The following SHANK2 variants were observed in gnomAD, a reference collection of about 807,000 sequenced individuals.
SHANK2 encodes the protein SH3 and multiple ankyrin repeat domains 2.
Under a neutral mutation model 133.7 loss-of-function variants are expected in SHANK2, and 43 were observed. That is an observed-to-expected ratio of 0.32 (90% CI 0.25 to 0.41). SHANK2 has a LOEUF of 0.41. Ranked by LOEUF, SHANK2 falls within the 10% of genes least tolerant of loss-of-function variation. The pLI, the probability that SHANK2 is intolerant of heterozygous loss-of-function variation, is 1.00. For synonymous variants in SHANK2, 1,017 were observed against 952.8 expected (o/e 1.07, Z -1.24); for missense variants, 1,994 against 2,235.8 (o/e 0.89, Z 2.18).
chr11:70,634,686 C>G (rs1183269098), intron 17 of SHANK2: 3 of 150,660 alleles, frequency 2.0e-5, no homozygotes, highest in Non-Finnish European at 4.4e-5. Flanking sequence ...CATGGCAAAA[C>G]CCCATCTCCA....
At position 70,882,964 on chromosome 11, in the gene SHANK2, G is replaced by A. The variant is rs147827464; in HGVS notation, c.1174+13537C>T. Among the ~76,000 whole-genome samples the A allele has an allele frequency of 1.1e-3, 160 of 152,262 alleles. 1 individual carries two copies. Among genetic ancestry groups the A allele is most frequent in the Admixed American group, 6.3e-3 (97 of 15,296 alleles). ...GGCTTGCCTGCGGCCTGTGGGAGGG[G>A]AGGGCAGGAGCCAGGGTCCCAGAGG... is the stretch of plus-strand genomic sequence containing the variant. On this transcript the variant is annotated intron_variant, in intron 11 of 25. Transcript: ENST00000601538. The surrounding 1 kb of genome is among the most constrained non-coding windows in gnomAD (Gnocchi z 4.2).
chr11:70,766,022 T>C (rs1269078154), intron 14 of SHANK2, among the ~76,000 whole-genome samples: 11 of 152,302 alleles, frequency 7.2e-5, no homozygotes, highest in Admixed American at 7.2e-4. Context: ...CCATAGCAGG[T>C]TATCTGGAAT....
At chr11:70,896,839 C>T (rs1472994732) in intron 10 of SHANK2, among the ~76,000 whole-genome samples, 9 of 152,142 alleles carry the variant, frequency 5.9e-5, no homozygotes, top group African/African-American at 2.2e-4. Flanking sequence ...GGGCAAATTA[C>T]CCATAGAGCA....
intron 10 of SHANK2, among the ~76,000 whole-genome samples, chr11:70,931,735 G>A (rs1950507305): frequency 6.6e-6 from 1 of 152,232 alleles, no homozygotes; most frequent in Non-Finnish European, 1.5e-5. Context: ...CAACAGCAAG[G>A]TGCTGGCGCC....
At chr11:70,689,181 G>A (rs1282318308) in intron 15 of SHANK2, among the ~76,000 whole-genome samples, 3 of 152,202 alleles carry the variant, frequency 2.0e-5, no homozygotes, top group Non-Finnish European at 4.4e-5. Flanking sequence ...GAAAGGAAAA[G>A]CTCTTGGACA....
In SHANK2 at chr11:71,118,813, G is replaced by A. The variant is rs1423512889; in HGVS notation, c.411+16C>T. On this transcript the variant is annotated intron_variant, in intron 4 of 25. Transcript: ENST00000601538. ...GTGACACAACCACAGTCCATGCACT[G>A]TGGGCTGAAATATACCTCCAGGGAA... 2.0e-6 allele frequency: 3 copies of A among 1,534,462 alleles called. No homozygotes were observed. Among genetic ancestry groups the A allele is most frequent in the East Asian group, 2.5e-5 (1 of 40,782 alleles).
In SHANK2 at chr11:70,739,350, A is replaced by T. The variant is rs1445398250; in HGVS notation, c.1778-40587T>A. ...TCTCCACCTCCCCACAGAAGGGAGG[A>T]GGCCAGGAGGTGGACAATGAAGACA... is the stretch of plus-strand genomic sequence containing the variant. On this transcript the variant is annotated intron_variant, in intron 14 of 25. Transcript: ENST00000601538. This position sits in a 1 kb window ranked among gnomAD's most constrained non-coding sequence, Gnocchi z 4.3. Among the ~76,000 whole-genome samples, 1 of 152,132 alleles carries T rather than the reference A, an allele frequency of 6.6e-6. No individual in the cohort carries two copies. The highest frequency in any genetic ancestry group is 2.4e-5 in the African/African-American group (1 of 41,432).
chr11:70,616,206 G>A (rs945835809), intron 17 of SHANK2, among the ~76,000 whole-genome samples: 2 of 152,184 alleles, frequency 1.3e-5, no homozygotes, highest in East Asian at 1.9e-4. Context: ...GCAACTGAAC[G>A]GACCCCACGG....
intron 14 of SHANK2, among the ~76,000 whole-genome samples, chr11:70,719,970 C>T (rs1555028561): frequency 1.3e-5 from 2 of 152,134 alleles, no homozygotes; most frequent in African/African-American, 4.8e-5. Flanking sequence ...AGCTTCAAAG[C>T]AAAAGGGTTG....
chr11:70,779,866 GCCA>G (rs1375985889), intron 14 of SHANK2, among the ~76,000 whole-genome samples: 9 of 152,168 alleles, frequency 5.9e-5, no homozygotes, highest in Non-Finnish European at 1.2e-4. Flanking sequence ...CCCAGACCCG[GCCA>G]GTCACCCTTG....
At chr11:70,916,000 T>C (rs1950263974) in intron 10 of SHANK2, among the ~76,000 whole-genome samples, 1 of 152,226 alleles carries the variant, frequency 6.6e-6, no homozygotes, top group Non-Finnish European at 1.5e-5. Flanking sequence ...CTTGTTGTGC[T>C]CTTCCCCGAT....
In SHANK2 at chr11:70,612,366, G is replaced by A. The variant is rs144136309; in HGVS notation, c.2061+47462C>T. Among the ~76,000 whole-genome samples, 237 of 152,286 alleles carry A rather than the reference G, an allele frequency of 1.6e-3. 1 individual carries two copies. The highest frequency in any genetic ancestry group is 6.8e-3 in the Middle Eastern group (2 of 294). On this transcript the variant is annotated intron_variant, in intron 17 of 25. Transcript: ENST00000601538. ...ACAAGCACCTGCCATTTACCTGATA[G>A]CAGCTGCATCTCTCGCCAGGTACAG...
chr11:71,245,856 C>G (rs3020030), intron 1 of SHANK2, among the ~76,000 whole-genome samples: 10 of 152,194 alleles, frequency 6.6e-5, no homozygotes, highest in African/African-American at 2.4e-4. Flanking sequence ...CCTGGGGGAC[C>G]TGTCCACCTC....
chr11:70,923,484 C>T (rs923194326), intron 10 of SHANK2, among the ~76,000 whole-genome samples: 4 of 152,110 alleles, frequency 2.6e-5, no homozygotes, highest in Admixed American at 6.5e-5. Context: ...TCAAGTGATC[C>T]GCCCGTCTCC....
intron 14 of SHANK2, among the ~76,000 whole-genome samples, chr11:70,792,432 C>A (rs1236079321): frequency 2.0e-5 from 3 of 152,168 alleles, no homozygotes; most frequent in African/African-American, 7.2e-5. Context: ...ACCAACCAAC[C>A]AACCAACCAA....
At chr11:70,805,717 T>C (rs1476394027) in intron 13 of SHANK2, among the ~76,000 whole-genome samples, 2 of 152,134 alleles carry the variant, frequency 1.3e-5, no homozygotes, top group Non-Finnish European at 2.9e-5. Flanking sequence ...TAATAGGAGA[T>C]CTTGGCAAAT....
At chr11:70,624,878 C>A in intron 17 of SHANK2, among the ~76,000 whole-genome samples, 1 of 152,186 alleles carries the variant, frequency 6.6e-6, no homozygotes, top group East Asian at 1.9e-4. Context: ...TGGTCTCTAT[C>A]GGCTCCCTCA....
rs148275643 is a variant in SHANK2, at chr11:70,759,406, C to T, written c.1777+39037G>A. ...AGGCTGAGGCAGAGTTGCTAGAACC[C>T]GGGAGGCGGAGGTTGCAGTGAGCCC... On this transcript the variant is annotated intron_variant, in intron 14 of 25. Transcript: ENST00000601538. Among the ~76,000 whole-genome samples the T allele has an allele frequency of 7.2e-3, 1,099 of 151,956 alleles. 20 individuals are homozygous for T. The highest frequency in any genetic ancestry group is 0.025 in the African/African-American group (1,033 of 41,450).
intron 15 of SHANK2, chr11:70,668,593 CG>C (rs1944726919): frequency 1.3e-5 from 2 of 152,326 alleles, no homozygotes; most frequent in South Asian, 4.1e-4. Flanking sequence ...GAGCAAAGGC[CG>C]GGCAAGTGAG....
Sources: allele counts gnomAD v4.1 joint callset (sites outside exome capture counted in the v4.1 genomes callset), GRCh38; gene constraint gnomAD v4.1.1; non-coding constraint Gnocchi (gnomAD v3.1); transcripts MANE v1.5; gene names NCBI Gene and HGNC (gene_info 2026-07-23, HGNC 2026-07-21).